MTUS2: variants seen among roughly 807,000 people sequenced by gnomAD.
The protein encoded by MTUS2 is microtubule associated scaffold protein 2.
A neutral mutation model predicts 114.1 loss-of-function variants in MTUS2; 40 were observed. The ratio of observed to expected loss-of-function variants is 0.35; its 90% confidence interval spans 0.27 to 0.46. MTUS2 has a LOEUF of 0.46. Among genes scored for constraint, MTUS2 ranks in the 20% least tolerant of loss-of-function variants. The pLI is 1.00. For missense variants in MTUS2, 1,679 were observed against 1,705.4 expected, an observed-to-expected ratio of 0.98 and a Z score of 0.27; for synonymous variants, 688 against 672.0, an observed-to-expected ratio of 1.02 and a Z score of -0.37.
At chr13:29,365,318 G>T (rs561184159) in intron 8 of MTUS2, among the ~76,000 whole-genome samples, 1 of 152,148 alleles carries the variant, frequency 6.6e-6, no homozygotes, top group Non-Finnish European at 1.5e-5. Context: ...TCAGAATAGC[G>T]AAGTCTTCTC....
chr13:29,319,591 C>G (rs1900166731), intron 6 of MTUS2, among the ~76,000 whole-genome samples: 1 of 152,148 alleles, frequency 6.6e-6, no homozygotes. Flanking sequence ...TGTGTAACAC[C>G]AGAGCGGTGC....
chr13:29,350,873 G>C (rs1268810079), intron 7 of MTUS2, among the ~76,000 whole-genome samples: 2 of 151,148 alleles, frequency 1.3e-5, no homozygotes, highest in African/African-American at 4.9e-5. Context: ...TCCCATTCAT[G>C]AGGGCCCCAC....
intron 8 of MTUS2, among the ~76,000 whole-genome samples, chr13:29,405,859 G>C (rs188091474): frequency 1.3e-5 from 2 of 151,070 alleles, no homozygotes; most frequent in Non-Finnish European, 2.9e-5. Flanking sequence ...TCCTGCCTCA[G>C]CCTCTAGAGT....
intron 7 of MTUS2, among the ~76,000 whole-genome samples, chr13:29,329,383 A>C (rs778054387): frequency 3.3e-5 from 5 of 151,494 alleles, no homozygotes; most frequent in Non-Finnish European, 7.4e-5. Flanking sequence ...GAGTGAGAAC[A>C]TGTGGTATCT....
intron 2 of MTUS2, among the ~76,000 whole-genome samples, chr13:28,994,068 C>G (rs1884978087): frequency 6.6e-6 from 1 of 152,126 alleles, no homozygotes; most frequent in Non-Finnish European, 1.5e-5. Flanking sequence ...CCACCCACAA[C>G]AGTCGCCGGT....
chr13:29,184,417 T>G (rs563709228), intron 5 of MTUS2, among the ~76,000 whole-genome samples: 1 of 152,286 alleles, frequency 6.6e-6, no homozygotes, highest in East Asian at 1.9e-4. Flanking sequence ...TGCTTCTACC[T>G]AGGGCTGTGT....
intron 4 of MTUS2, among the ~76,000 whole-genome samples, chr13:29,089,054 G>A (rs1889824394): frequency 2.0e-5 from 3 of 152,164 alleles, no homozygotes; most frequent in South Asian, 2.1e-4. Context: ...TTGCCAGTGG[G>A]CTATGTACTT....
intron 7 of MTUS2, among the ~76,000 whole-genome samples, chr13:29,348,550 A>G (rs4586277): frequency 0.81 from 122,592 of 152,154 alleles, 50,407 homozygotes; most frequent in East Asian, 0.9. Flanking sequence ...GTTATGTGGA[A>G]TGTTCTACAA....
intron 5 of MTUS2, among the ~76,000 whole-genome samples, chr13:29,274,457 C>G (rs1266105334): frequency 2.0e-5 from 3 of 152,114 alleles, no homozygotes; most frequent in Non-Finnish European, 4.4e-5. Flanking sequence ...TTCTCCAAAG[C>G]AGCTGCACCA....
chr13:29,340,522 T>C (rs1446265824), intron 7 of MTUS2, among the ~76,000 whole-genome samples: 4 of 151,982 alleles, frequency 2.6e-5, no homozygotes, highest in African/African-American at 9.7e-5. Flanking sequence ...AATGGAGTCA[T>C]CAGGTTTTGT....
chr13:29,224,772 A>G (rs1008832800), intron 5 of MTUS2, among the ~76,000 whole-genome samples: 2 of 124,106 alleles, frequency 1.6e-5, no homozygotes, highest in South Asian at 2.5e-4. Flanking sequence ...TGTTGTTGCT[A>G]CTGTTTCTCT....
chr13:29,216,164 C>T (rs1895672419), intron 5 of MTUS2, among the ~76,000 whole-genome samples: 1 of 152,238 alleles, frequency 6.6e-6, no homozygotes, highest in East Asian at 1.9e-4. Flanking sequence ...TTTCTGGCAG[C>T]TTCGTTTACA....
intron 4 of MTUS2, among the ~76,000 whole-genome samples, chr13:29,071,717 T>C (rs1888947652): frequency 6.6e-6 from 1 of 152,146 alleles, no homozygotes; most frequent in Non-Finnish European, 1.5e-5. Context: ...GAATTCTCTT[T>C]ATATTCTTCA....
At chr13:29,356,760 A>G (rs1869775866) in intron 7 of MTUS2, among the ~76,000 whole-genome samples, 1 of 152,368 alleles carries the variant, frequency 6.6e-6, no homozygotes, top group Admixed American at 6.5e-5. Context: ...ACTTAAAGCA[A>G]TAGAGAACTC....
intron 5 of MTUS2, among the ~76,000 whole-genome samples, chr13:29,264,823 C>T (rs540091141): frequency 2.6e-5 from 4 of 152,352 alleles, no homozygotes; most frequent in Non-Finnish European, 4.4e-5. Flanking sequence ...CCATTCTTCC[C>T]GCCTAGGCCT....
At chr13:28,928,484 A>C (rs779571816) in intron 2 of MTUS2, among the ~76,000 whole-genome samples, 1 of 152,266 alleles carries the variant, frequency 6.6e-6, no homozygotes, top group African/African-American at 2.4e-5. Context: ...ACAAATGGCC[A>C]GCAGATATAT....
intron 5 of MTUS2, among the ~76,000 whole-genome samples, chr13:29,138,770 T>C (rs984572482): frequency 3.9e-5 from 6 of 151,972 alleles, no homozygotes; most frequent in Non-Finnish European, 5.9e-5. Flanking sequence ...TCATCCAAAG[T>C]CAACATAAAG....
intron 2 of MTUS2, among the ~76,000 whole-genome samples, chr13:28,977,236 G>C (rs935701671): frequency 6.6e-6 from 1 of 151,988 alleles, no homozygotes; most frequent in Non-Finnish European, 1.5e-5. Flanking sequence ...ATCGCATCCT[G>C]GTGTCTCTTT....
intron 5 of MTUS2, among the ~76,000 whole-genome samples, chr13:29,246,388 C>G (rs980703636): frequency 5.9e-5 from 9 of 152,202 alleles, no homozygotes; most frequent in Non-Finnish European, 1.0e-4. Context: ...AGAAGAGGCC[C>G]ATGGAGCTCC....
Sources: allele counts gnomAD v4.1 joint callset (sites outside exome capture counted in the v4.1 genomes callset), GRCh38; gene constraint gnomAD v4.1.1; transcripts MANE v1.5; gene names NCBI Gene and HGNC (gene_info 2026-07-23, HGNC 2026-07-21).